Variants in NPAS2 observed in about 807,000 individuals in gnomAD.
NPAS2 encodes neuronal PAS domain protein 2, also known as neuronal PAS domain-containing protein 2.
Under a neutral mutation model 107.5 loss-of-function variants are expected in NPAS2, and 23 were observed. The ratio of observed to expected loss-of-function variants is 0.21; its 90% CI spans 0.15 to 0.30. The LOEUF (loss-of-function observed/expected upper bound fraction) is 0.30, where lower values mean the gene tolerates loss of function less well. NPAS2 is among the 10% of genes least tolerant of loss of function. NPAS2 has a pLI of 1.00. For missense variants in NPAS2, 756 were observed against 1,043.3 expected (o/e 0.72, Z 3.79); for synonymous variants, 403 against 417.5 (o/e 0.97, Z 0.42).
Position 100,995,404 on chromosome 2 carries a change from A to G in NPAS2, c.2297A>G (p.Gln766Arg). ...CCTTTGTTCTTTTTTTTCTAGGTAC[A>G]GGCACCAACCTCTTTGCACAGTGAG... ...QQPPQHYLQV[Q>R]APTSLHSEQQ... is the part of the protein sequence containing the mutation. Residue 766 changes from glutamine (Q) to arginine (R), a missense_variant, in exon 21 of 21, where the codon CAG (glutamine) becomes CGG (arginine). Coordinates refer to ENST00000335681, the MANE Select transcript of NPAS2 (RefSeq NM_002518.4). 1.9e-6 allele frequency: 3 copies of G among 1,611,382 alleles called. No individual in the cohort carries two copies. Among genetic ancestry groups the G allele is most frequent in the Non-Finnish European group, 2.5e-6 (3 of 1,178,666 alleles).
chr2:100,938,486 C>G (rs1684476271), intron 5 of NPAS2, among the ~76,000 whole-genome samples: 1 of 123,176 alleles, frequency 8.1e-6, no homozygotes, highest in Non-Finnish European at 1.7e-5. Flanking sequence ...TGGTCACAGG[C>G]CCTGACAGAT....
At chr2:100,906,154 C>A (rs987808408) in intron 2 of NPAS2, among the ~76,000 whole-genome samples, 5 of 152,312 alleles carry the variant, frequency 3.3e-5, no homozygotes, top group Admixed American at 6.5e-5. Context: ...ATAGAACTCC[C>A]CAGCTTATCC....
chr2:100,861,429 T>C (rs892376817), intron 1 of NPAS2, among the ~76,000 whole-genome samples: 5 of 152,038 alleles, frequency 3.3e-5, no homozygotes, highest in African/African-American at 1.2e-4. Context: ...AGAATTGTGA[T>C]GGGTGGGATG....
chr2:100,970,784 ATAT>A (rs955909456), intron 11 of NPAS2: 7 of 444,140 alleles, frequency 1.6e-5, no homozygotes, highest in African/African-American at 1.2e-4. Context: ...TTTGAATGTA[ATAT>A]TATAAGTCAC....
intron 1 of NPAS2, among the ~76,000 whole-genome samples, chr2:100,859,085 C>T (rs1202067873): frequency 6.6e-6 from 1 of 152,104 alleles, no homozygotes; most frequent in Admixed American, 6.5e-5. Flanking sequence ...GCCAACAAGG[C>T]GAAACCCTGT....
rs574944001 is a variant in NPAS2, at chr2:100,877,964, G to T, written c.-22-26769G>T. The T allele has an allele frequency of 9.1e-6, 9 of 985,344 alleles. No homozygotes were observed. In the South Asian group the frequency reaches 3.3e-4, roughly 36 times the overall value. 61.0% of individuals were successfully genotyped at this position (985,344 alleles called of 1,614,324 possible). On this transcript the variant is annotated intron_variant, in intron 1 of 20. Transcript: ENST00000335681. The stretch of plus-strand genomic sequence containing the variant: ...CTGAAACACTACATAAAAAGTGCTG[G>T]AAACTTATAGTCTGGGGCCTGCAGA...
intron 1 of NPAS2, among the ~76,000 whole-genome samples, chr2:100,894,326 C>A (rs1446066972): frequency 6.6e-6 from 1 of 152,214 alleles, no homozygotes; most frequent in African/African-American, 2.4e-5. Context: ...CCCTTCTCTC[C>A]TTCCTCACAA....
Position 100,968,174 on chromosome 2 carries a change from T to C in NPAS2, c.908-107T>C, listed in dbSNP as rs1476714299. On this transcript the variant is annotated intron_variant, in intron 10 of 20. Coordinates refer to ENST00000335681, the MANE Select transcript of NPAS2 (RefSeq NM_002518.4). The surrounding 1 kb of genome is among the most constrained non-coding windows in gnomAD (Gnocchi z 5.3). ...GGGCAACCGGGGAAACAAGCCATGT[T>C]TGGTATTGTCTTTTTTTTTGAAAGC... 6 of 1,197,668 alleles carry C rather than the reference T, an allele frequency of 5.0e-6. No homozygotes were observed. The Admixed American group carries it at 9.8e-5, about 20-fold the overall frequency. The allele number at this position is 1,197,668 out of a possible 1,614,324, so 74.2% of individuals were successfully genotyped here. A position where few individuals can be genotyped will look rare whatever the true frequency, so the allele number is the denominator to read the frequency against.
chr2:100,988,810 C>T, intron 17 of NPAS2: 4 of 245,416 alleles, frequency 1.6e-5, no homozygotes, highest in Non-Finnish European at 3.0e-5. Context: ...TCCTCCAGGT[C>T]TCCCTGCTCC....
At chr2:100,937,582 G>C (rs1573664499) in intron 4 of NPAS2, among the ~76,000 whole-genome samples, 171 bp from the exon 5 acceptor site, 1 of 152,200 alleles carries the variant, frequency 6.6e-6, no homozygotes, top group Admixed American at 6.5e-5. Context: ...CACATTTTCT[G>C]TAAGAAGCTG....
At chr2:100,959,586 T>C (rs1675803270) in intron 7 of NPAS2, among the ~76,000 whole-genome samples, 1 of 152,216 alleles carries the variant, frequency 6.6e-6, no homozygotes. Context: ...GAAAGTTATT[T>C]TCCCCTCAAC....
At chr2:100,839,601 T>TTC (rs1677270788) in intron 1 of NPAS2, among the ~76,000 whole-genome samples, 1 of 152,322 alleles carries the variant, frequency 6.6e-6, no homozygotes, top group East Asian at 1.9e-4. Flanking sequence ...TCAGTAAGGC[T>TTC]TCTGGTCAAC....
chr2:100,921,539 C>T (rs1425429507), intron 2 of NPAS2, among the ~76,000 whole-genome samples: 1 of 152,170 alleles, frequency 6.6e-6, no homozygotes, highest in African/African-American at 2.4e-5. Context: ...CTCCCTTGGT[C>T]TCTCTCTTAC....
chr2:100,850,539 G>A (rs1678099046), intron 1 of NPAS2, among the ~76,000 whole-genome samples: 2 of 152,166 alleles, frequency 1.3e-5, no homozygotes, highest in Admixed American at 6.5e-5. Context: ...GTACATCCAA[G>A]GTTCATACCA....
At position 100,926,963 on chromosome 2, in the gene NPAS2, C is replaced by CAG. The variant is rs199585545; in HGVS notation, c.181+1670_181+1671dup. Among the ~76,000 whole-genome samples the CAG allele has an allele frequency of 8.0e-3, 978 of 121,582 alleles. 12 individuals carry two copies. The highest frequency in any genetic ancestry group is 0.028 in the African/African-American group (869 of 31,472). The allele number at this position is 121,582 out of a possible 152,430, so 79.8% of individuals were successfully genotyped here. On this transcript the variant is annotated intron_variant, in intron 3 of 20. Transcript: ENST00000335681. ...TTTCTTTTTTTTTTTTTTTTTGAGA[C>CAG]AGTCTTGTTCTGTCACCAAGACTGG...
intron 2 of NPAS2, among the ~76,000 whole-genome samples, chr2:100,918,388 A>G (rs940620904): frequency 6.6e-6 from 1 of 152,210 alleles, no homozygotes; most frequent in Non-Finnish European, 1.5e-5. Flanking sequence ...TCGTAAGAGA[A>G]AAAATTGTTA....
At chr2:100,917,597 A>G (rs939111905) in intron 2 of NPAS2, among the ~76,000 whole-genome samples, 4 of 152,186 alleles carry the variant, frequency 2.6e-5, no homozygotes, top group Non-Finnish European at 5.9e-5. Flanking sequence ...AAAAGACACG[A>G]TTTATCAATA....
At chr2:100,842,007 CAT>C (rs1677443736) in intron 1 of NPAS2, among the ~76,000 whole-genome samples, 5 of 152,130 alleles carry the variant, frequency 3.3e-5, no homozygotes. Context: ...ACACAGTACA[CAT>C]ATACACACAT....
intron 1 of NPAS2, among the ~76,000 whole-genome samples, chr2:100,873,305 TATAC>T (rs1452506604): frequency 9.4e-4 from 36 of 38,268 alleles, no homozygotes; most frequent in South Asian, 6.2e-3. Context: ...TATATATATA[TATAC>T]ACACACACAC....
Sources: gnomAD v4.1 joint callset for allele counts (sites outside exome capture counted in the v4.1 genomes callset) on GRCh38, gnomAD v4.1.1 for gene constraint, Gnocchi (gnomAD v3.1) non-coding constraint, MANE v1.5 for transcripts, NCBI Gene and HGNC (gene_info 2026-07-23, HGNC 2026-07-21) for gene names.